Variants in PIAS1 observed in about 807,000 individuals in gnomAD.
PIAS1 encodes the protein protein inhibitor of activated STAT 1.
PIAS1 carries 6 observed loss-of-function variants against 71.3 expected under a neutral mutation model. The observed-to-expected ratio is 0.08, with a 90% confidence interval of 0.05 to 0.17. PIAS1 has a LOEUF of 0.17. Among genes scored for constraint, PIAS1 ranks in the 10% least tolerant of loss-of-function variants. The pLI is 1.00. For missense variants in PIAS1, 555 were observed against 793.6 expected (o/e 0.70, Z 3.61); for synonymous variants, 303 against 292.9 (o/e 1.03, Z -0.35).
intron 6 of PIAS1, among the ~76,000 whole-genome samples, chr15:68,151,663 CA>C (rs71455581): frequency 7.1e-6 from 1 of 141,800 alleles, no homozygotes; most frequent in Non-Finnish European, 1.5e-5. Context: ...CTACTAAAAA[CA>C]AAAAAAACAA....
chr15:68,141,824 C>T, intron 2 of PIAS1, 122 bp from the exon 3 acceptor site: 2 of 594,348 alleles, frequency 3.4e-6, no homozygotes, highest in East Asian at 2.8e-5. Context: ...CTTTAATTGC[C>T]TTGTTATCTA....
At chr15:68,076,220 G>A (rs543227987) in intron 1 of PIAS1, among the ~76,000 whole-genome samples, 21 of 152,226 alleles carry the variant, frequency 1.4e-4, no homozygotes, top group African/African-American at 4.6e-4. Flanking sequence ...CCTTAAGATA[G>A]GGGAATCAGG....
chr15:68,164,171 G>A (rs577920322), intron 7 of PIAS1, among the ~76,000 whole-genome samples: 70 of 151,984 alleles, frequency 4.6e-4, no homozygotes, highest in African/African-American at 1.6e-3. Context: ...GAGGGCACAA[G>A]TATTTTATAG....
At chr15:68,057,712 A>G (rs1390096128) in intron 1 of PIAS1, 1 of 222,528 alleles carries the variant, frequency 4.5e-6, no homozygotes, top group African/African-American at 2.4e-5. Flanking sequence ...TTATTCATGG[A>G]TTTGATTTGA....
At chr15:68,068,987 C>G (rs1043277245) in intron 1 of PIAS1, among the ~76,000 whole-genome samples, 31 of 148,716 alleles carry the variant, frequency 2.1e-4, no homozygotes, top group Admixed American at 2.0e-3. Context: ...CCTCCACCTC[C>G]TGGGTTCAAG....
intron 1 of PIAS1, chr15:68,057,688 G>A (rs1006747859): frequency 8.2e-6 from 2 of 244,558 alleles, no homozygotes; most frequent in African/African-American, 4.7e-5. Flanking sequence ...ATAGAGTCAA[G>A]TACATCTGAT....
At chr15:68,135,672 A>T (rs1169655239) in intron 2 of PIAS1, among the ~76,000 whole-genome samples, 11 of 44,184 alleles carry the variant, frequency 2.5e-4, no homozygotes, top group Admixed American at 5.9e-4. Context: ...GCGGGGGCTG[A>T]CCCCCACCTC....
intron 6 of PIAS1, 76 bp downstream of exon 6, chr15:68,146,776 T>A: frequency 1.0e-6 from 1 of 996,200 alleles, no homozygotes; most frequent in Non-Finnish European, 1.5e-6. Context: ...TGAATTTATA[T>A]GTAAATTATG....
chr15:68,123,866 A>T (rs912801792), intron 2 of PIAS1, among the ~76,000 whole-genome samples: 2 of 152,190 alleles, frequency 1.3e-5, no homozygotes, highest in African/African-American at 4.8e-5. Flanking sequence ...GTAAATGATA[A>T]TGTTGATCTG....
Position 68,135,417 on chromosome 15 carries a change from G to C in PIAS1, c.470-6529G>C, listed in dbSNP as rs1464305810. Among the ~76,000 whole-genome samples, 3 of 37,918 alleles carry C rather than the reference G, an allele frequency of 7.9e-5. 1 individual carries two copies. The highest frequency in any genetic ancestry group is 1.2e-4 in the African/African-American group (2 of 16,556). 24.9% of individuals were successfully genotyped at this position (37,918 alleles called of 152,430 possible). ...ACGGGGCGGCTGGCCGGGCAGAGGG[G>C]CTCCCCACCTCCCAGCAGGGGTGGC... On this transcript the variant is annotated intron_variant, in intron 2 of 13. Transcript: ENST00000249636.
chr15:68,138,931 G>T (rs998765157), intron 2 of PIAS1, among the ~76,000 whole-genome samples: 3 of 152,326 alleles, frequency 2.0e-5, no homozygotes, highest in African/African-American at 7.2e-5. Flanking sequence ...TTGAAGAATG[G>T]CTGTCACTGG....
In PIAS1 at chr15:68,192,115, C is replaced by T. The variant is rs1384027650; in HGVS notation, c.*4280C>T. 1 of 152,226 alleles carries T rather than the reference C, an allele frequency of 6.6e-6. No homozygotes were observed. Among genetic ancestry groups the T allele is most frequent in the Admixed American group, 6.5e-5 (1 of 15,280 alleles). The allele number at this position is 152,226 out of a possible 1,614,324, so 9.4% of individuals were successfully genotyped here. On this transcript the variant is annotated 3_prime_UTR_variant, in exon 14 of 14. Transcript: ENST00000249636. ...CTTGCTCTTCCTGTGCCATCTAAAT[C>T]ATTGGTATCTATCTCCCATCTAATC...
intron 2 of PIAS1, among the ~76,000 whole-genome samples, chr15:68,127,470 A>C (rs2092658770): frequency 6.6e-6 from 1 of 152,208 alleles, no homozygotes; most frequent in Non-Finnish European, 1.5e-5. Flanking sequence ...AAATTAGATC[A>C]GTTCTCCTAT....
At chr15:68,106,106 G>GTGA (rs1161648027) in intron 2 of PIAS1, among the ~76,000 whole-genome samples, 2 of 151,942 alleles carry the variant, frequency 1.3e-5, no homozygotes, top group Non-Finnish European at 2.9e-5. Flanking sequence ...TCAAGTAAAG[G>GTGA]TGATACTTCC....
In PIAS1 at chr15:68,157,764, C is replaced by T. The variant is rs1002195097; in HGVS notation, c.934+4069C>T. On this transcript the variant is annotated intron_variant, in intron 7 of 13. Transcript: ENST00000249636. ...CCTTATGGTTTAAAACTAACACCCACCCCAAAATACATGTCTTCATCTCAG... is the reference window on the plus strand; with the variant it reads ...CCTTATGGTTTAAAACTAACACCCATCCCAAAATACATGTCTTCATCTCAG... 1.1e-4 allele frequency among the ~76,000 whole-genome samples: 17 copies of T among 152,234 alleles called. 1 individual carries two copies. The highest frequency in any genetic ancestry group is 9.2e-4 in the Admixed American group (14 of 15,298).
At chr15:68,169,855 G>T (rs569144009) in intron 8 of PIAS1, among the ~76,000 whole-genome samples, 1 of 152,266 alleles carries the variant, frequency 6.6e-6, no homozygotes, top group Non-Finnish European at 1.5e-5. Context: ...CAATCATATT[G>T]TGTAGATCCC....
At chr15:68,180,491 T>C (rs1217048407) in intron 11 of PIAS1, among the ~76,000 whole-genome samples, 1 of 152,234 alleles carries the variant, frequency 6.6e-6, no homozygotes, top group African/African-American at 2.4e-5. Flanking sequence ...CTTAGCTATT[T>C]AAACTTTTCA....
intron 12 of PIAS1, 91 bp downstream of exon 12, chr15:68,181,445 G>A (rs1030263874): frequency 2.3e-6 from 3 of 1,286,038 alleles, no homozygotes; most frequent in Non-Finnish European, 3.3e-6. Flanking sequence ...AGGAAGAACT[G>A]GAAGACTGAG....
intron 2 of PIAS1, among the ~76,000 whole-genome samples, chr15:68,087,637 C>T (rs140546505): frequency 1.5e-4 from 23 of 152,182 alleles, no homozygotes; most frequent in African/African-American, 1.2e-4. Context: ...GAATGTGTAA[C>T]GGAGACCATG....
Sources: gnomAD v4.1 joint callset for allele counts (sites outside exome capture counted in the v4.1 genomes callset) on GRCh38, gnomAD v4.1.1 for gene constraint, MANE v1.5 for transcripts, NCBI Gene and HGNC (gene_info 2026-07-23, HGNC 2026-07-21) for gene names.